The following PRIMPOL variants were observed in gnomAD, a reference collection of about 807,000 sequenced individuals.
The protein encoded by PRIMPOL is DNA-directed primase/polymerase protein.
In PRIMPOL, 54 loss-of-function variants were observed where a neutral mutation model predicts 63.6. That is an observed-to-expected ratio of 0.85 (90% confidence interval 0.68 to 1.07). The LOEUF (loss-of-function observed/expected upper bound fraction) is 1.07, where lower values mean the gene tolerates loss of function less well. Among genes scored for constraint, PRIMPOL ranks in the 50% least tolerant of loss-of-function variants. The pLI, the probability that PRIMPOL is intolerant of heterozygous loss-of-function variation, is 0.00. For synonymous variants in PRIMPOL, 197 were observed against 220.2 expected (o/e 0.89, Z 0.93); for missense variants, 610 against 648.3 (o/e 0.94, Z 0.64).
At chr4:184,694,114 A>G (rs1008165943) in intron 13 of PRIMPOL, 1 of 527,752 alleles carries the variant, frequency 1.9e-6, no homozygotes, top group African/African-American at 2.1e-5. Flanking sequence ...TCTTTTTTCA[A>G]TCCATGTTTA....
intron 11 of PRIMPOL, 148 bp from the exon 12 acceptor site, chr4:184,691,351 A>G (rs28405816): frequency 0.024 from 13,016 of 540,138 alleles, 1,283 homozygotes; most frequent in African/African-American, 0.22. Context: ...CACCGTTTTG[A>G]TTGGTATGTA....
At chr4:184,678,137 TTTTA>T in intron 7 of PRIMPOL, 91 bp from the exon 8 acceptor site, 1 of 685,174 alleles carries the variant, frequency 1.5e-6, no homozygotes, top group East Asian at 3.1e-5. Flanking sequence ...AATAATTATT[TTTTA>T]TTAATGCTAT....
intron 5 of PRIMPOL, 110 bp downstream of exon 5, chr4:184,662,013 G>C (rs926993095): frequency 1.1e-6 from 1 of 917,516 alleles, no homozygotes. Context: ...TCTTTTTCTT[G>C]CTACTCTTCC....
chr4:184,694,472 AG>A, intron 13 of PRIMPOL, 49 bp from the exon 14 acceptor site: 1 of 1,580,126 alleles, frequency 6.3e-7, no homozygotes, highest in South Asian at 1.1e-5. Flanking sequence ...ACATATCCTG[AG>A]TAAATATTTT....
chr4:184,672,975 T>C (rs948555036), intron 7 of PRIMPOL, among the ~76,000 whole-genome samples: 3 of 152,054 alleles, frequency 2.0e-5, no homozygotes, highest in Non-Finnish European at 4.4e-5. Flanking sequence ...AGCCTGAGGA[T>C]GTCAGAAGCC....
intron 11 of PRIMPOL, among the ~76,000 whole-genome samples, chr4:184,686,896 G>T (rs1258638428): frequency 6.6e-6 from 1 of 152,186 alleles, no homozygotes; most frequent in Admixed American, 6.5e-5. Flanking sequence ...CAGTGCCACA[G>T]CCAGGGCATA....
Position 184,691,583 on chromosome 4 carries a change from TAAGTTA to T in PRIMPOL, c.1378+3_1378+8del. 6.2e-7 allele frequency: 1 copy of T among 1,604,464 alleles called. No homozygotes were observed. Among genetic ancestry groups the T allele is most frequent in the Non-Finnish European group, 8.5e-7 (1 of 1,172,280 alleles). On this transcript the variant is annotated splice_donor_5th_base_variant and intron_variant, in intron 12 of 13. Transcript: ENST00000314970. Reference sequence around the variant, plus strand: ...AAGCAGAAAACTTCAAATCTGACTGTAAGTTACTAATTTTTACATTTACCACAAAGT... The same window carrying T: ...AAGCAGAAAACTTCAAATCTGACTGTCTAATTTTTACATTTACCACAAAGT...
At chr4:184,693,858 A>AG (rs1491498049) in intron 13 of PRIMPOL, among the ~76,000 whole-genome samples, 1 of 142,398 alleles carries the variant, frequency 7.0e-6, no homozygotes, top group African/African-American at 3.1e-5. Context: ...TTTTAATGAC[A>AG]GGGGGGTATC....
chr4:184,672,181 T>C lies in PRIMPOL; in HGVS notation c.565T>C (p.Leu189=), dbSNP rs1561004034. Residue 189 remains leucine, a synonymous_variant, in exon 7 of 14, where the codon TTG becomes CTG. Transcript: ENST00000314970. ...FKDNIHVGNF[L]RKILQPALDL... Reference sequence around the variant, plus strand: ...ATAGCTTTTTTCCTTAGGTAATTTTTTGAGAAAAATTTTGCAGCCTGCTCT... The same window carrying C: ...ATAGCTTTTTTCCTTAGGTAATTTTCTGAGAAAAATTTTGCAGCCTGCTCT... The C allele has an allele frequency of 6.2e-7, 1 of 1,605,768 alleles. No homozygotes were observed. Among genetic ancestry groups the C allele is most frequent in the Admixed American group, 1.7e-5 (1 of 57,832 alleles).
At position 184,649,846 on chromosome 4, in the gene PRIMPOL, A is replaced by G. The variant is rs1425900425; in HGVS notation, c.-200A>G. On this transcript the variant is annotated 5_prime_UTR_variant, in exon 1 of 14. Coordinates refer to ENST00000314970, the MANE Select transcript of PRIMPOL (RefSeq NM_152683.4). ...CCAACGGGTACCTAGAAGGGAGACAAAGCCAGGCCTGCTGCCCAGTTTGAG... is the reference window on the plus strand; with the variant it reads ...CCAACGGGTACCTAGAAGGGAGACAGAGCCAGGCCTGCTGCCCAGTTTGAG... The G allele has an allele frequency of 6.6e-6, 1 of 152,318 alleles. No homozygotes were observed. The highest frequency in any genetic ancestry group is 1.9e-4 in the East Asian group (1 of 5,198). 9.4% of individuals were successfully genotyped at this position (152,318 alleles called of 1,614,324 possible).
chr4:184,672,094 A>T (rs1028474588), intron 6 of PRIMPOL, 79 bp from the exon 7 acceptor site: 16 of 1,285,466 alleles, frequency 1.2e-5, no homozygotes, highest in Non-Finnish European at 1.7e-5. Context: ...TAAAATTGTC[A>T]TATGTGGATT....
chr4:184,650,499 ATTTG>A (rs1743988781), intron 1 of PRIMPOL, among the ~76,000 whole-genome samples: 1 of 143,476 alleles, frequency 7.0e-6, no homozygotes, highest in Admixed American at 7.0e-5. Context: ...CTATTTTTTT[ATTTG>A]TTTATTAAAG....
chr4:184,673,530 T>C (rs563141842), intron 7 of PRIMPOL, among the ~76,000 whole-genome samples: 2 of 151,234 alleles, frequency 1.3e-5, no homozygotes, highest in South Asian at 4.2e-4. Context: ...GTTCAAACGA[T>C]TCTCCTCCCT....
chr4:184,650,119 G>T (rs7687648), intron 1 of PRIMPOL, among the ~76,000 whole-genome samples: 6,518 of 152,338 alleles, frequency 0.043, 411 homozygotes, highest in African/African-American at 0.14. Flanking sequence ...TCCCAAGGAG[G>T]CAGTTCTCAG....
chr4:184,685,002 A>G (rs1756640612), intron 9 of PRIMPOL, among the ~76,000 whole-genome samples: 1 of 152,122 alleles, frequency 6.6e-6, no homozygotes, highest in Non-Finnish European at 1.5e-5. Context: ...TCATGACCAC[A>G]GGGGCCTTAT....
chr4:184,669,737 G>A (rs565072972), intron 6 of PRIMPOL, among the ~76,000 whole-genome samples: 6 of 152,316 alleles, frequency 3.9e-5, no homozygotes, highest in East Asian at 3.9e-4. Context: ...ATAAGAGTGC[G>A]TGGCTCATTT....
At position 184,678,365 on chromosome 4, in the gene PRIMPOL, T is replaced by G. The variant is rs985094009; in HGVS notation, c.978T>G (p.Tyr326Ter). The change falls in exon 8 of 14, where the codon TAT becomes TAG. Residue 326 changes from tyrosine to a stop codon, truncating the protein, a stop_gained. Transcript: ENST00000314970. LOFTEE classifies it high-confidence loss of function. ...AAGATGTTTCTGACGAATATCAATATTTTCTCTCTTCTTTGGTCAGCAATG... is the reference window on the plus strand; with the variant it reads ...AAGATGTTTCTGACGAATATCAATAGTTTCTCTCTTCTTTGGTCAGCAATG... ...QSKDVSDEYQ[Y>*]FLSSLVSNVR... The G allele has an allele frequency of 6.2e-7, 1 of 1,606,716 alleles. No homozygotes were observed. The highest frequency in any genetic ancestry group is 8.5e-7 in the Non-Finnish European group (1 of 1,177,862).
intron 3 of PRIMPOL, among the ~76,000 whole-genome samples, chr4:184,658,633 C>T (rs1373579930): frequency 2.0e-5 from 3 of 152,028 alleles, no homozygotes; most frequent in Non-Finnish European, 2.9e-5. Flanking sequence ...CGGCTGGGTG[C>T]GGTGGCTCAT....
At chr4:184,676,297 C>G (rs1247109634) in intron 7 of PRIMPOL, among the ~76,000 whole-genome samples, 1 of 141,424 alleles carries the variant, frequency 7.1e-6, no homozygotes, top group Admixed American at 7.0e-5. Context: ...CTTCCCTCCC[C>G]TCCCCTGCCT....
Sources: gnomAD v4.1 joint callset for allele counts (sites outside exome capture counted in the v4.1 genomes callset) on GRCh38, gnomAD v4.1.1 for gene constraint, MANE v1.5 for transcripts, NCBI Gene and HGNC (gene_info 2026-07-23, HGNC 2026-07-21) for gene names.